The following CDH12 variants were observed in gnomAD, a reference collection of about 807,000 sequenced individuals.
The protein encoded by CDH12 is cadherin 12, also known as cadherin-12.
A neutral mutation model predicts 74.1 loss-of-function variants in CDH12; 41 were observed. The observed-to-expected ratio is 0.55, with a 90% CI of 0.43 to 0.72. The LOEUF is 0.72. Among genes scored for constraint, CDH12 ranks in the 30% least tolerant of loss-of-function variants. The probability of loss-of-function intolerance (pLI) is 0.00; values close to 1 mark genes in which losing one functional copy is unlikely to be tolerated. For synonymous variants in CDH12, 399 were observed against 355.0 expected (o/e 1.12, Z -1.39); for missense variants, 945 against 977.2 (o/e 0.97, Z 0.44).
chr5:21,777,391 TTAAA>T (rs758717618), intron 11 of CDH12, among the ~76,000 whole-genome samples: 65 of 152,168 alleles, frequency 4.3e-4, no homozygotes, highest in Non-Finnish European at 9.3e-4. Flanking sequence ...TCTAATAAGC[TTAAA>T]TATAGATAGA....
intron 1 of CDH12, among the ~76,000 whole-genome samples, chr5:22,825,377 G>A (rs1736259576): frequency 6.6e-6 from 1 of 152,098 alleles, no homozygotes; most frequent in Admixed American, 6.6e-5. Context: ...TAGATAGGAT[G>A]GTAGAGTGAG....
At chr5:21,949,335 A>T (rs1478175311) in intron 6 of CDH12, among the ~76,000 whole-genome samples, 2 of 151,522 alleles carry the variant, frequency 1.3e-5, no homozygotes, top group Non-Finnish European at 2.9e-5. Flanking sequence ...CTATATTCCC[A>T]GCTATTCGGG....
chr5:22,792,837 T>G (rs946521704), intron 1 of CDH12, among the ~76,000 whole-genome samples: 6 of 152,218 alleles, frequency 3.9e-5, no homozygotes, highest in African/African-American at 1.4e-4. Flanking sequence ...CTGGTGTCAT[T>G]CATAGATATT....
At chr5:21,946,899 C>T (rs1755602678) in intron 6 of CDH12, among the ~76,000 whole-genome samples, 1 of 152,170 alleles carries the variant, frequency 6.6e-6, no homozygotes, top group Non-Finnish European at 1.5e-5. Flanking sequence ...TTGTAATCCT[C>T]ATGATCCTCC....
At chr5:22,580,447 C>G in intron 1 of CDH12, 1 of 512,042 alleles carries the variant, frequency 2.0e-6, no homozygotes, top group Non-Finnish European at 4.0e-6. Flanking sequence ...TGCCACTTGA[C>G]AAACCTGGCG....
intron 4 of CDH12, among the ~76,000 whole-genome samples, chr5:22,178,484 CTT>C (rs571537840): frequency 6.6e-6 from 1 of 152,138 alleles, no homozygotes; most frequent in Non-Finnish European, 1.5e-5. Flanking sequence ...ATGAACATCT[CTT>C]TATGCAACAG....
intron 5 of CDH12, among the ~76,000 whole-genome samples, chr5:22,049,084 G>A (rs1348609920): frequency 1.3e-5 from 2 of 152,062 alleles, no homozygotes; most frequent in South Asian, 2.1e-4. Flanking sequence ...TCTTATTACA[G>A]TGTATAAATG....
At chr5:22,314,674 G>A (rs1738536218) in intron 3 of CDH12, among the ~76,000 whole-genome samples, 1 of 152,100 alleles carries the variant, frequency 6.6e-6, no homozygotes, top group African/African-American at 2.4e-5. Flanking sequence ...AGTGAAGGGC[G>A]CTACACAAGG....
chr5:22,567,738 C>T (rs1739357805), intron 1 of CDH12, among the ~76,000 whole-genome samples: 1 of 152,160 alleles, frequency 6.6e-6, no homozygotes, highest in African/African-American at 2.4e-5. Context: ...TGATTGAGTA[C>T]ATCCTATTTG....
At chr5:22,785,385 A>G (rs1434286913) in intron 1 of CDH12, among the ~76,000 whole-genome samples, 3 of 152,154 alleles carry the variant, frequency 2.0e-5, no homozygotes, top group Non-Finnish European at 4.4e-5. Context: ...AATTCTGTGA[A>G]ATCTGAATGT....
chr5:21,919,025 T>TTG (rs1234344504), intron 6 of CDH12, among the ~76,000 whole-genome samples: 2 of 152,210 alleles, frequency 1.3e-5, no homozygotes, highest in Admixed American at 1.3e-4. Context: ...CAAATTTCAC[T>TTG]TGATTGCTCC....
intron 1 of CDH12, among the ~76,000 whole-genome samples, chr5:22,734,863 C>T (rs1332726784): frequency 1.3e-5 from 2 of 151,914 alleles, no homozygotes; most frequent in Non-Finnish European, 2.9e-5. Context: ...ATGACCCCAA[C>T]ATGAGAAATT....
chr5:21,880,676 TTTCTTTCTTTCTTTC>T (rs1191026678), intron 6 of CDH12, among the ~76,000 whole-genome samples: 18 of 137,968 alleles, frequency 1.3e-4, no homozygotes, highest in African/African-American at 4.5e-4. Context: ...TCTTTCTTTC[TTTCTTTCTTTCTTTC>T]TCTTTTCTCC....
intron 6 of CDH12, among the ~76,000 whole-genome samples, chr5:21,886,004 T>C (rs1000432786): frequency 9.2e-5 from 14 of 152,160 alleles, no homozygotes; most frequent in Admixed American, 3.3e-4. Flanking sequence ...TCCTTGAATT[T>C]GTTCTTGGAA....
At chr5:22,084,905 C>T (rs1305310606) in intron 4 of CDH12, among the ~76,000 whole-genome samples, 1 of 152,096 alleles carries the variant, frequency 6.6e-6, no homozygotes, top group Non-Finnish European at 1.5e-5. Flanking sequence ...GCCCCAGCAC[C>T]AATGGTGTTG....
chr5:22,318,824 A>C (rs780021820), intron 3 of CDH12, among the ~76,000 whole-genome samples: 43 of 152,114 alleles, frequency 2.8e-4, no homozygotes, highest in Non-Finnish European at 3.7e-4. Flanking sequence ...AATCATTTAC[A>C]TATTGTGATC....
intron 1 of CDH12, among the ~76,000 whole-genome samples, chr5:22,570,112 G>T (rs926645120): frequency 6.6e-6 from 1 of 151,934 alleles, no homozygotes; most frequent in African/African-American, 2.4e-5. Flanking sequence ...CTGGAGTGCA[G>T]TGGAGTGATC....
At chr5:21,861,567 A>G (rs1751045654) in intron 6 of CDH12, among the ~76,000 whole-genome samples, 1 of 152,092 alleles carries the variant, frequency 6.6e-6, no homozygotes, top group South Asian at 2.1e-4. Context: ...AATATATTGA[A>G]CAGGCATTTT....
At chr5:22,052,488 C>A (rs1740443459) in intron 5 of CDH12, among the ~76,000 whole-genome samples, 1 of 152,190 alleles carries the variant, frequency 6.6e-6, no homozygotes, top group South Asian at 2.1e-4. Flanking sequence ...AGGCACAGAC[C>A]TGAAATTTAA....
Sources: allele counts gnomAD v4.1 joint callset (sites outside exome capture counted in the v4.1 genomes callset), GRCh38; gene constraint gnomAD v4.1.1; transcripts MANE v1.5; gene names NCBI Gene and HGNC (gene_info 2026-07-23, HGNC 2026-07-21).